The following MRPS25 variants were observed in gnomAD, a reference collection of about 807,000 sequenced individuals.
The protein encoded by MRPS25 is mitochondrial ribosomal protein S25.
MRPS25 carries 15 observed loss-of-function variants against 17.3 expected under a neutral mutation model. The observed-to-expected ratio is 0.87, with a 90% confidence interval of 0.58 to 1.34. The LOEUF (loss-of-function observed/expected upper bound fraction) is 1.34. Among genes scored for constraint, MRPS25 ranks in the 40% most tolerant of loss-of-function variants. The pLI is 0.00. For missense variants in MRPS25, 225 were observed against 218.6 expected (o/e 1.03, Z -0.19); for synonymous variants, 94 against 83.3 (o/e 1.13, Z -0.70).
At chr3:15,045,814 G>A (rs1331523728), downstream of MRPS25, 1 of 152,474 alleles carries the variant, frequency 6.6e-6, no homozygotes, top group African/African-American at 2.4e-5. Context: ...TGAACTCCAT[G>A]GAGCCACGTT....
intron 1 of MRPS25, among the ~76,000 whole-genome samples, chr3:15,060,664 C>T (rs1487474252): frequency 2.0e-5 from 3 of 152,004 alleles, no homozygotes; most frequent in Non-Finnish European, 4.4e-5. Context: ...GGGTGGATCA[C>T]GAGGTCAGGA....
chr3:15,059,339 C>A (rs770795829), intron 2 of MRPS25, 30 bp downstream of exon 2: 4 of 1,452,450 alleles, frequency 2.8e-6, no homozygotes, highest in East Asian at 2.3e-5. Flanking sequence ...TCTGGGACAG[C>A]CCCTGGACCA....
In MRPS25 at chr3:15,048,731, T is replaced by C. The variant is rs568306398; in HGVS notation, c.*3710A>G. The C allele has an allele frequency of 1.3e-5, 2 of 152,790 alleles. No individual in the cohort carries two copies. The highest frequency in any genetic ancestry group is 6.5e-5 in the Admixed American group (1 of 15,308). The allele number at this position is 152,790 out of a possible 1,614,324, so 9.5% of individuals were successfully genotyped here. ...TCTACAGTCTCTCTGTTCTACGGAT[T>C]ATCTTGTAAACCAGTGTTCAACTAG... On this transcript the variant is annotated 3_prime_UTR_variant, in exon 4 of 4. Transcript: ENST00000253686.
At chr3:15,060,449 G>T (rs1458609531) in intron 1 of MRPS25, among the ~76,000 whole-genome samples, 18 of 148,954 alleles carry the variant, frequency 1.2e-4, no homozygotes, top group Admixed American at 1.2e-3. Flanking sequence ...GGAGTTTGAG[G>T]TTGCAGTGAG....
chr3:15,052,899 A>G (rs1169152423), intron 3 of MRPS25, among the ~76,000 whole-genome samples: 24 of 152,200 alleles, frequency 1.6e-4, no homozygotes, highest in Admixed American at 1.6e-3. Context: ...GGTGGAGCCC[A>G]CAGCTCTCAC....
chr3:15,048,123 A>G (rs750478643), downstream of MRPS25: 1 of 152,678 alleles, frequency 6.5e-6, no homozygotes, highest in Non-Finnish European at 1.5e-5. Context: ...ATAAGTTATC[A>G]AAATGTTTTA....
intron 2 of MRPS25, among the ~76,000 whole-genome samples, chr3:15,059,019 ATT>A (rs55962904): frequency 5.7e-4 from 80 of 139,846 alleles, no homozygotes; most frequent in Admixed American, 1.2e-3. Context: ...GCCCTGAAGA[ATT>A]TTTTTTTTTT....
downstream of MRPS25, chr3:15,042,991 A>G: frequency 6.2e-7 from 1 of 1,614,120 alleles, no homozygotes; most frequent in South Asian, 1.1e-5. Context: ...TGGCCAGATC[A>G]CCGGAGCCAG....
At chr3:15,044,204 G>A (rs1344290212), downstream of MRPS25, 2 of 152,176 alleles carry the variant, frequency 1.3e-5, no homozygotes, top group Non-Finnish European at 2.9e-5. Flanking sequence ...AAGGTTTCAG[G>A]ACAATTTCTT....
At chr3:15,042,817 GAC>G, downstream of MRPS25, 2 of 1,610,212 alleles carry the variant, frequency 1.2e-6, no homozygotes, top group African/African-American at 2.7e-5. Context: ...CTTTTCTAAT[GAC>G]ACTCCCTTTT....
rs1025746680 is a variant in MRPS25 at position 15,065,244 on chromosome 3, A to T, written c.-50T>A. ...CCCACGGGCCGCGAGCCGAGCAGCG[A>T]CGAGAAAGGACTAGCTAGCACCCGC... On this transcript the variant is annotated 5_prime_UTR_variant, in exon 1 of 4. Coordinates refer to ENST00000253686, the MANE Select transcript of MRPS25 (RefSeq NM_022497.5). The T allele has an allele frequency of 6.5e-7, 1 of 1,540,478 alleles. No homozygotes were observed. Among genetic ancestry groups the T allele is most frequent in the Non-Finnish European group, 8.7e-7 (1 of 1,144,714 alleles).
rs566034739 is a variant in MRPS25 at position 15,061,659 on chromosome 3, G to A, written c.135-2184C>T. On this transcript the variant is annotated intron_variant, in intron 1 of 3. Transcript: ENST00000253686. ...CCACCCCGTCTGGGAAGTGAGGAGC[G>A]TCTCTGCCTGGCCGCCCATCATCTG... Among the ~76,000 whole-genome samples, 13 of 150,312 alleles carry A rather than the reference G, an allele frequency of 8.6e-5. 1 individual carries two copies. The South Asian group carries it at 1.5e-3, about 17-fold the overall frequency.
downstream of MRPS25, chr3:15,047,204 T>C: frequency 6.6e-6 from 1 of 152,620 alleles, no homozygotes; most frequent in East Asian, 1.9e-4. Flanking sequence ...ATATGGGTGT[T>C]CCAAGGTCCC....
At chr3:15,059,297 C>T in intron 2 of MRPS25, 72 bp downstream of exon 2, 1 of 1,057,426 alleles carries the variant, frequency 9.5e-7, no homozygotes. Flanking sequence ...TCCTGACGCT[C>T]CCATAGGAAG....
At position 15,052,188 on chromosome 3, in the gene MRPS25, G is replaced by A; in HGVS notation, c.*253C>T. ...GCTACACAGGCCTTCCTCTTCACTA[G>A]GACCAGATACACGCCAAGCTGCTAT... On this transcript the variant is annotated 3_prime_UTR_variant, in exon 4 of 4. Transcript: ENST00000253686. 3 of 1,223,196 alleles carry A rather than the reference G, an allele frequency of 2.5e-6. No homozygotes were observed. The highest frequency in any genetic ancestry group is 3.1e-6 in the Non-Finnish European group (3 of 979,280). 75.8% of individuals were successfully genotyped at this position (1,223,196 alleles called of 1,614,324 possible).
chr3:15,059,797 T>C (rs537805029), intron 1 of MRPS25, among the ~76,000 whole-genome samples: 1 of 152,266 alleles, frequency 6.6e-6, no homozygotes, highest in East Asian at 1.9e-4. Flanking sequence ...GGTGTAAACA[T>C]GAGTGGCAGT....
chr3:15,061,218 C>T lies in MRPS25; in HGVS notation c.135-1743G>A, dbSNP rs535524834. ...TCCCTCTGCCTCTCCGTCTCCCTCT[C>T]CCCACGGTCTCCCTCTCCCTCTTTC... is the stretch of plus-strand genomic sequence containing the variant. On this transcript the variant is annotated intron_variant, in intron 1 of 3. Coordinates refer to ENST00000253686, the MANE Select transcript of MRPS25 (RefSeq NM_022497.5). 9.9e-4 allele frequency among the ~76,000 whole-genome samples: 151 copies of T among 152,288 alleles called. 3 individuals carry two copies. The South Asian group carries it at 0.031, about 31-fold the overall frequency.
At position 15,052,435 on chromosome 3, in the gene MRPS25, TG is replaced by T. The variant is rs1012905061; in HGVS notation, c.*5del. On this transcript the variant is annotated 3_prime_UTR_variant, in exon 4 of 4. Transcript: ENST00000253686. ...CCATCACCCCAGCCCACAGTGACCG[TG>T]GGCCTTAGTCCTGGGCATCGGCTTT... The T allele has an allele frequency of 6.2e-7, 1 of 1,609,790 alleles. No individual in the cohort carries two copies. The highest frequency in any genetic ancestry group is 1.3e-5 in the African/African-American group (1 of 74,814).
In MRPS25 at chr3:15,048,585, A is replaced by G. The variant is rs1190041975; in HGVS notation, c.*3856T>C. 1 of 152,678 alleles carries G rather than the reference A, an allele frequency of 6.5e-6. No individual in the cohort carries two copies. Among genetic ancestry groups the G allele is most frequent in the Non-Finnish European group, 1.5e-5 (1 of 68,046 alleles). The allele number at this position is 152,678 out of a possible 1,614,324, so 9.5% of individuals were successfully genotyped here. On this transcript the variant is annotated 3_prime_UTR_variant, in exon 4 of 4. Coordinates refer to ENST00000253686, the MANE Select transcript of MRPS25 (RefSeq NM_022497.5). ...AATGTTTGGAATAACATTTGGAAGTAGTAGACTTTGCATTAAAAAATGGCT... is the reference window on the plus strand; with the variant it reads ...AATGTTTGGAATAACATTTGGAAGTGGTAGACTTTGCATTAAAAAATGGCT...
Sources: gnomAD v4.1 joint callset for allele counts (sites outside exome capture counted in the v4.1 genomes callset) on GRCh38, gnomAD v4.1.1 for gene constraint, MANE v1.5 for transcripts, NCBI Gene and HGNC (gene_info 2026-07-23, HGNC 2026-07-21) for gene names.